TTLL8: variants seen among roughly 807,000 people sequenced by gnomAD.
TTLL8 encodes tubulin tyrosine ligase like 8, also known as protein monoglycylase TTLL8.
A neutral mutation model predicts 77.8 loss-of-function variants in TTLL8; 65 were observed. The ratio of observed to expected loss-of-function variants is 0.84; its 90% confidence interval spans 0.68 to 1.03. TTLL8 has a LOEUF of 1.03. Ranked by LOEUF, TTLL8 falls within the 50% of genes least tolerant of loss-of-function variation. The pLI is 0.00. For synonymous variants in TTLL8, 402 were observed against 422.8 expected (o/e 0.95, Z 0.60); for missense variants, 910 against 1,004.5 (o/e 0.91, Z 1.27).
At chr22:50,048,115 AGTGT>A (rs34500180) in intron 3 of TTLL8, among the ~76,000 whole-genome samples, 8,956 of 145,644 alleles carry the variant, frequency 0.061, 833 homozygotes, top group African/African-American at 0.21. Flanking sequence ...CCCCCAAAAA[AGTGT>A]GTGTGTGTGT....
Position 50,030,477 on chromosome 22 carries a change from C to CGA in TTLL8, c.2155_2156insTC (p.Gly719ValfsTer3). 7.4e-7 allele frequency: 1 copy of CGA among 1,346,368 alleles called. No homozygotes were observed. Among genetic ancestry groups the CGA allele is most frequent in the South Asian group, 1.2e-5 (1 of 86,462 alleles). The allele number at this position is 1,346,368 out of a possible 1,614,324, so 83.4% of individuals were successfully genotyped here. ...CAGCGCGCCCTCTGCTGTCTTCAGG[C>CGA]CCCGCAGCACAGGCTCCAGCGGGTG... On this transcript the variant is annotated frameshift_variant, in exon 12 of 14. Coordinates refer to ENST00000266182, the Ensembl canonical transcript of TTLL8. LOFTEE classifies it high-confidence loss of function.
chr22:50,055,114 A>G, upstream of TTLL8: 1 of 1,178,222 alleles, frequency 8.5e-7, no homozygotes, highest in Middle Eastern at 2.4e-4. Flanking sequence ...CCCCACAGGG[A>G]GGAGGCTGCA....
rs760507266 is a variant in TTLL8 at position 50,044,702 on chromosome 22, C to A, written c.643+553G>T. Among the ~76,000 whole-genome samples, 1 of 152,164 alleles carries A rather than the reference C, an allele frequency of 6.6e-6. No homozygotes were observed. The highest frequency in any genetic ancestry group is 1.5e-5 in the Non-Finnish European group (1 of 68,032). On this transcript the variant is annotated intron_variant, in intron 6 of 13. Transcript: ENST00000266182. This position sits in a 1 kb window ranked among gnomAD's most constrained non-coding sequence, Gnocchi z 4.2. ...GTTGGCGGTGCAGGAGGCGCGGGGG[C>A]AGGAGAGTGTGGTAAATCTTGTACC...
chr22:50,019,037 C>T (rs1366198461), intron 12 of TTLL8, among the ~76,000 whole-genome samples: 1 of 152,148 alleles, frequency 6.6e-6, no homozygotes, highest in Non-Finnish European at 1.5e-5. Flanking sequence ...AACAGGCTGA[C>T]AGCAATAGCA....
At position 50,041,824 on chromosome 22, in the gene TTLL8, G is replaced by A. The variant is rs1260880765; in HGVS notation, c.644-17C>T. The A allele has an allele frequency of 2.2e-6, 3 of 1,354,404 alleles. No individual in the cohort carries two copies. Among genetic ancestry groups the A allele is most frequent in the Non-Finnish European group, 2.9e-6 (3 of 1,017,272 alleles). The allele number at this position is 1,354,404 out of a possible 1,614,324, so 83.9% of individuals were successfully genotyped here. On this transcript the variant is annotated splice_polypyrimidine_tract_variant and intron_variant, in intron 6 of 13. Transcript: ENST00000266182. This position sits in a 1 kb window ranked among gnomAD's most constrained non-coding sequence, Gnocchi z 4.3. ...TTTCAGCATCTGAAACCCAGACACA[G>A]GCACATGCAGTGGGAACCTCACCCA...
chr22:50,047,968 G>T (rs2061422675), intron 3 of TTLL8, among the ~76,000 whole-genome samples: 1 of 151,998 alleles, frequency 6.6e-6, no homozygotes, highest in African/African-American at 2.4e-5. Flanking sequence ...GTGGTGGCGG[G>T]CGCCTGTAAT....
chr22:50,045,182 A>C (rs781142194), intron 6 of TTLL8, 73 bp downstream of exon 8: 1 of 1,283,122 alleles, frequency 7.8e-7, no homozygotes, highest in African/African-American at 1.5e-5. Context: ...GACCACACCC[A>C]GGAGGCGGGA....
At chr22:50,031,996 A>G in exon 11 of TTLL8, 1 of 1,366,662 alleles carries the variant, frequency 7.3e-7, no homozygotes, top group Non-Finnish European at 9.8e-7. Flanking sequence ...CTGGCGCTGC[A>G]GGTACTCCTG....
At chr22:50,053,692 G>T (rs6010161) in intron 1 of TTLL8, among the ~76,000 whole-genome samples, 1 of 152,062 alleles carries the variant, frequency 6.6e-6, no homozygotes, top group Non-Finnish European at 1.5e-5. Context: ...CACAAATAGC[G>T]CATCCATGGT....
chr22:50,045,958 C>T (rs531312276), exon 5 of TTLL8: 2 of 1,355,792 alleles, frequency 1.5e-6, no homozygotes, highest in African/African-American at 1.5e-5. Context: ...CGCATGTTCA[C>T]GCACAGCCCG....
At chr22:50,020,210 G>T (rs2061186341) in intron 12 of TTLL8, among the ~76,000 whole-genome samples, 1 of 152,156 alleles carries the variant, frequency 6.6e-6, no homozygotes, top group African/African-American at 2.4e-5. Context: ...ATCATCTAAT[G>T]ACTCACAATC....
chr22:50,045,450 G>A, intron 5 of TTLL8, 61 bp from the exon 8 acceptor site: 1 of 1,336,320 alleles, frequency 7.5e-7, no homozygotes, highest in Non-Finnish European at 1.0e-6. Context: ...CTGGAGATGG[G>A]GCCAGGGCCA....
intron 8 of TTLL8, among the ~76,000 whole-genome samples, chr22:50,040,147 G>A (rs2061361196): frequency 6.8e-6 from 1 of 147,778 alleles, no homozygotes; most frequent in African/African-American, 2.5e-5. Flanking sequence ...ATGTGCCAGT[G>A]TGGATGGACC....
At chr22:50,054,003 A>AGTC (rs1399337026) in intron 1 of TTLL8, among the ~76,000 whole-genome samples, 3 of 143,624 alleles carry the variant, frequency 2.1e-5, no homozygotes, top group Non-Finnish European at 4.6e-5. Flanking sequence ...GTGCACCTGC[A>AGTC]GTCTGCACAT....
chr22:50,044,099 C>T lies in TTLL8; in HGVS notation c.643+1156G>A, dbSNP rs577081710. The stretch of plus-strand genomic sequence containing the variant: ...CAGCACTGTGGGAGGCCGAGGTGGG[C>T]GGATCACCTGAAGTCAGGAGTTCGA... On this transcript the variant is annotated intron_variant, in intron 6 of 13. Coordinates refer to ENST00000266182, the Ensembl canonical transcript of TTLL8. The surrounding 1 kb of genome is among the most constrained non-coding windows in gnomAD (Gnocchi z 4.2). Among the ~76,000 whole-genome samples, 3 of 152,184 alleles carry T rather than the reference C, an allele frequency of 2.0e-5. No homozygotes were observed. Among genetic ancestry groups the T allele is most frequent in the South Asian group, 4.1e-4 (2 of 4,820 alleles).
intron 1 of TTLL8, among the ~76,000 whole-genome samples, chr22:50,052,255 A>AC (rs1448212278): frequency 3.3e-5 from 5 of 152,112 alleles, no homozygotes; most frequent in Non-Finnish European, 7.4e-5. Flanking sequence ...GAGGGCTGGC[A>AC]CCCTCCGACT....
chr22:50,044,640 C>G lies in TTLL8; in HGVS notation c.643+615G>C, dbSNP rs570504213. Among the ~76,000 whole-genome samples the G allele has an allele frequency of 6.6e-6, 1 of 152,338 alleles. No individual in the cohort carries two copies. The highest frequency in any genetic ancestry group is 2.1e-4 in the South Asian group (1 of 4,830). On this transcript the variant is annotated intron_variant, in intron 6 of 13. Coordinates refer to ENST00000266182, the Ensembl canonical transcript of TTLL8. The surrounding 1 kb of genome is among the most constrained non-coding windows in gnomAD (Gnocchi z 4.2). ...AAAAGTTTAATGCGCCAATGTTCAT[C>G]TGTCAACAGTCGAAGCGCACTGCTC...
At chr22:50,046,357 C>T (rs1339946086) in intron 4 of TTLL8, among the ~76,000 whole-genome samples, 3 of 152,206 alleles carry the variant, frequency 2.0e-5, no homozygotes, top group Admixed American at 6.5e-5. Flanking sequence ...CTGCAGGGCC[C>T]GGAACGCAGC....
chr22:50,030,903 A>C (rs1344967495), exon 12 of TTLL8: 1 of 1,321,760 alleles, frequency 7.6e-7, no homozygotes, highest in Non-Finnish European at 9.9e-7. Context: ...GGACCCGCTG[A>C]ATGGGGGCGG....
Sources: allele counts gnomAD v4.1 joint callset (sites outside exome capture counted in the v4.1 genomes callset), GRCh38; gene constraint gnomAD v4.1.1; non-coding constraint Gnocchi (gnomAD v3.1); transcripts MANE v1.5; gene names NCBI Gene and HGNC (gene_info 2026-07-23, HGNC 2026-07-21).